TLE4: variants seen among roughly 807,000 people sequenced by gnomAD.
TLE4 encodes TLE family member 4, transcriptional corepressor.
TLE4 carries 8 observed loss-of-function variants against 92.8 expected under a neutral mutation model. The observed-to-expected ratio is 0.09, with a 90% CI of 0.05 to 0.16. The LOEUF is 0.16. TLE4 is among the 10% of genes least tolerant of loss of function. The pLI is 1.00. For missense variants in TLE4, 675 were observed against 997.6 expected (o/e 0.68, Z 4.36); for synonymous variants, 371 against 374.1 (o/e 0.99, Z 0.10).
chr9:79,719,007 A>G (rs764890736), intron 15 of TLE4, 36 bp downstream of exon 15: 1 of 1,579,228 alleles, frequency 6.3e-7, no homozygotes, highest in Non-Finnish European at 8.6e-7. Flanking sequence ...TTAGACTTTC[A>G]TTCAGAAAAC....
At chr9:79,662,001 G>A (rs943210704) in intron 8 of TLE4, among the ~76,000 whole-genome samples, 6 of 152,046 alleles carry the variant, frequency 3.9e-5, no homozygotes, top group Non-Finnish European at 7.3e-5. Flanking sequence ...CATGTAATCC[G>A]CTCACGTGCG....
intron 4 of TLE4, among the ~76,000 whole-genome samples, chr9:79,606,795 G>A (rs143134541): frequency 5.8e-4 from 88 of 152,206 alleles, no homozygotes; most frequent in African/African-American, 1.8e-3. Context: ...ATTTGGATTG[G>A]TCCCAAGTCT....
chr9:79,627,234 C>T, intron 5 of TLE4, 140 bp from the exon 6 acceptor site: 1 of 806,530 alleles, frequency 1.2e-6, no homozygotes, highest in Non-Finnish European at 2.1e-6. Context: ...CATCCATCAC[C>T]TCAGGCTTGT....
intron 8 of TLE4, chr9:79,671,664 A>G (rs2062374930): frequency 6.3e-6 from 1 of 159,416 alleles, no homozygotes; most frequent in African/African-American, 2.4e-5. Context: ...ATACTGATTT[A>G]TTTGCAGCTT....
intron 5 of TLE4, among the ~76,000 whole-genome samples, chr9:79,619,998 A>G (rs1249415890): frequency 1.3e-5 from 2 of 152,222 alleles, no homozygotes; most frequent in African/African-American, 2.4e-5. Flanking sequence ...ATCTGGTGGC[A>G]TCATGGCCTG....
chr9:79,680,291 A>C (rs377225647), intron 8 of TLE4, among the ~76,000 whole-genome samples: 51 of 151,528 alleles, frequency 3.4e-4, no homozygotes, highest in African/African-American at 9.0e-4. Flanking sequence ...CTTTTATTTC[A>C]TTGAGCAGTG....
chr9:79,596,051 T>C (rs996198464), intron 4 of TLE4, among the ~76,000 whole-genome samples: 7 of 152,096 alleles, frequency 4.6e-5, no homozygotes, highest in African/African-American at 1.7e-4. Context: ...TTTCACCGTG[T>C]TAGCCAGGAT....
At chr9:79,669,882 G>A (rs996972564) in intron 8 of TLE4, among the ~76,000 whole-genome samples, 6 of 152,112 alleles carry the variant, frequency 3.9e-5, no homozygotes, top group Admixed American at 6.5e-5. Flanking sequence ...GGGGGCATGC[G>A]TTACATGGCT....
chr9:79,723,942 T>TA (rs1250776149), intron 19 of TLE4, among the ~76,000 whole-genome samples: 4 of 152,232 alleles, frequency 2.6e-5, no homozygotes, highest in African/African-American at 9.6e-5. Context: ...ACTATGTCTT[T>TA]AAGTGTTTAA....
chr9:79,642,311 A>T (rs116181787), intron 6 of TLE4, among the ~76,000 whole-genome samples: 8 of 151,992 alleles, frequency 5.3e-5, no homozygotes, highest in African/African-American at 1.9e-4. Context: ...GTGGCTATTC[A>T]TAGGTATAAT....
intron 15 of TLE4, 44 bp downstream of exon 15, chr9:79,719,015 A>G (rs1284862296): frequency 6.4e-7 from 1 of 1,572,160 alleles, no homozygotes; most frequent in Admixed American, 1.7e-5. Flanking sequence ...TCATTCAGAA[A>G]ACAGGAGGGG....
At chr9:79,611,504 A>C (rs949824952) in intron 4 of TLE4, among the ~76,000 whole-genome samples, 3 of 152,116 alleles carry the variant, frequency 2.0e-5, no homozygotes, top group African/African-American at 4.8e-5. Flanking sequence ...TTGCACAAGT[A>C]GAGTGTCACT....
chr9:79,710,830 A>G lies in TLE4; in HGVS notation c.1340+1131A>G, dbSNP rs372180820. ...TCCCTCTTGACTATAAGTTCCATGA[A>G]AACAGAACAGAACTTTCTGCTATTC... is the stretch of plus-strand genomic sequence containing the variant. On this transcript the variant is annotated intron_variant, in intron 14 of 19. Transcript: ENST00000376552. 5.9e-5 allele frequency among the ~76,000 whole-genome samples: 9 copies of G among 152,198 alleles called. 1 individual carries two copies. Among genetic ancestry groups the G allele is most frequent in the African/African-American group, 2.2e-4 (9 of 41,530 alleles).
At chr9:79,703,300 G>GC (rs1462220105) in intron 8 of TLE4, among the ~76,000 whole-genome samples, 1 of 152,140 alleles carries the variant, frequency 6.6e-6, no homozygotes, top group Non-Finnish European at 1.5e-5. Context: ...CTGCCCTGGT[G>GC]CCCTGCCAAG....
chr9:79,704,867 C>A lies in TLE4; in HGVS notation c.694C>A (p.Gln232Lys). The change falls in exon 9 of 20, where the codon CAG (glutamine) becomes AAG (lysine). Residue 232 changes from glutamine to lysine, a missense_variant. Around this residue, in one of 5 missense-constraint regions of TLE4, gnomAD observed 280 missense variants for 287.3 expected, o/e 0.97. Transcript: ENST00000376552. ...SADYSSESKK[Q>K]KTEEKEIAAR... ...AGACTACTCCTCAGAGAGCAAAAAG[C>A]AGAAAACTGAAGAAAAGGAAATTGC... 2 of 1,614,100 alleles carry A rather than the reference C, an allele frequency of 1.2e-6. No individual in the cohort carries two copies. Among genetic ancestry groups the A allele is most frequent in the Non-Finnish European group, 1.7e-6 (2 of 1,179,996 alleles).
rs1230529853 is a variant in TLE4, at chr9:79,708,175, G to A, written c.994G>A (p.Ala332Thr). ...CAATACCCCTACTCCACGAACTGAT[G>A]CGCCCACCCCAGGCAGTAACTCTAC... The part of the protein sequence containing the change: ...KSNTPTPRTD[A>T]PTPGSNSTPG... Residue 332 changes from alanine to threonine, a missense_variant, in exon 12 of 20, where the codon GCG becomes ACG. Transcript: ENST00000376552. The A allele has an allele frequency of 3.1e-6, 5 of 1,613,942 alleles. 1 individual carries two copies. The Admixed American group carries it at 5.0e-5, about 16-fold the overall frequency.
At chr9:79,689,210 G>A (rs1015840042) in intron 8 of TLE4, among the ~76,000 whole-genome samples, 3 of 152,088 alleles carry the variant, frequency 2.0e-5, no homozygotes, top group South Asian at 2.1e-4. Flanking sequence ...GGCATAGGGC[G>A]TATGTAAGTG....
chr9:79,673,030 T>C (rs1383442708), intron 8 of TLE4, among the ~76,000 whole-genome samples: 3 of 152,194 alleles, frequency 2.0e-5, no homozygotes, highest in African/African-American at 7.2e-5. Context: ...CATTGCAAGA[T>C]GTGTGAAAAC....
chr9:79,583,889 G>GT (rs2040366359), intron 4 of TLE4, among the ~76,000 whole-genome samples: 2 of 152,284 alleles, frequency 1.3e-5, no homozygotes, highest in South Asian at 4.1e-4. Context: ...TTGGATCCAT[G>GT]TATTTATTTA....
Sources: gnomAD v4.1 joint callset for allele counts (sites outside exome capture counted in the v4.1 genomes callset) on GRCh38, gnomAD v4.1.1 for gene constraint, gnomAD v4.1.1 regional missense constraint, MANE v1.5 for transcripts, NCBI Gene and HGNC (gene_info 2026-07-23, HGNC 2026-07-21) for gene names.